The following METTL8 variants were observed in gnomAD, a reference collection of about 807,000 sequenced individuals.
The protein encoded by METTL8 is methyltransferase 8, tRNA N3-cytidine.
A neutral mutation model predicts 48.7 loss-of-function variants in METTL8; 32 were observed. The observed-to-expected ratio is 0.66, with a 90% CI of 0.50 to 0.88. The LOEUF (loss-of-function observed/expected upper bound fraction) is 0.88. METTL8 is among the 40% of genes least tolerant of loss of function. The pLI, the probability that METTL8 is intolerant of heterozygous loss-of-function variation, is 0.00. For synonymous variants in METTL8, 136 were observed against 157.1 expected (o/e 0.87, Z 1.01); for missense variants, 464 against 474.4 (o/e 0.98, Z 0.20).
chr2:171,385,508 T>G (rs1296060757), intron 2 of METTL8, among the ~76,000 whole-genome samples: 3 of 152,130 alleles, frequency 2.0e-5, no homozygotes, highest in African/African-American at 7.2e-5. Context: ...GAAAAAAATG[T>G]AAAAAAGGTG....
rs41268697 is a variant in METTL8, at chr2:171,339,362, C to G, written c.428G>C (p.Arg143Thr). Residue 143 changes from arginine to threonine, a missense_variant, in exon 4 of 10, where the codon AGA (arginine) becomes ACA (threonine). Transcript: ENST00000375258. ...ATCAGGCACAGTAGGACAGTGCATTCTTGAGAAACGATTTGTAGCACTAGT... is the reference window on the plus strand; with the variant it reads ...ATCAGGCACAGTAGGACAGTGCATTGTTGAGAAACGATTTGTAGCACTAGT... ...VKTSATNRFSRMHCPTVPDEK... is the reference protein window; with the variant it reads ...VKTSATNRFSTMHCPTVPDEK... The G allele has an allele frequency of 3.4e-3, 5,553 of 1,613,308 alleles. 15 individuals are homozygous for G. Among genetic ancestry groups the G allele is most frequent in the Non-Finnish European group, 3.8e-3 (4,540 of 1,179,562 alleles).
intron 6 of METTL8, among the ~76,000 whole-genome samples, chr2:171,331,194 T>C (rs1685489968): frequency 6.6e-6 from 1 of 152,184 alleles, no homozygotes; most frequent in Non-Finnish European, 1.5e-5. Context: ...CACTGCAACC[T>C]CCGCCTCCTG....
chr2:171,322,844 G>A lies in METTL8; in HGVS notation c.*1328C>T, dbSNP rs1684599381. 1 of 152,050 alleles carries A rather than the reference G, an allele frequency of 6.6e-6. No homozygotes were observed. Among genetic ancestry groups the A allele is most frequent in the South Asian group, 2.1e-4 (1 of 4,836 alleles). The allele number at this position is 152,050 out of a possible 1,614,324, so 9.4% of individuals were successfully genotyped here. On this transcript the variant is annotated 3_prime_UTR_variant, in exon 10 of 10. Transcript: ENST00000375258. ...TTGCCCATTTTTAAGGTTATTTCTTGATTATATGCTACACAAGGGGTGGAT... is the reference window on the plus strand; with the variant it reads ...TTGCCCATTTTTAAGGTTATTTCTTAATTATATGCTACACAAGGGGTGGAT...
chr2:171,364,314 A>G (rs1197944024), intron 2 of METTL8, among the ~76,000 whole-genome samples: 1 of 152,170 alleles, frequency 6.6e-6, no homozygotes, highest in Non-Finnish European at 1.5e-5. Context: ...TATGTTTAAG[A>G]CATACAACAA....
intron 1 of METTL8, among the ~76,000 whole-genome samples, chr2:171,411,960 A>T (rs998735012): frequency 2.6e-5 from 4 of 152,252 alleles, no homozygotes; most frequent in Non-Finnish European, 4.4e-5. Context: ...AAATGTGCTA[A>T]TGCTATGAAT....
At chr2:171,400,566 C>T (rs1689542492) in intron 1 of METTL8, among the ~76,000 whole-genome samples, 2 of 152,162 alleles carry the variant, frequency 1.3e-5, no homozygotes, top group Admixed American at 6.6e-5. Flanking sequence ...TCTTATTTGG[C>T]TTGTCATATT....
intron 3 of METTL8, among the ~76,000 whole-genome samples, chr2:171,353,496 G>A (rs921566022): frequency 6.6e-6 from 1 of 152,228 alleles, no homozygotes; most frequent in African/African-American, 2.4e-5. Context: ...ACTTGCTGCA[G>A]AGCTGAGTTC....
At chr2:171,388,517 A>C (rs543761392) in intron 2 of METTL8, among the ~76,000 whole-genome samples, 1 of 152,306 alleles carries the variant, frequency 6.6e-6, no homozygotes, top group Admixed American at 6.5e-5. Flanking sequence ...TCAGTGCTTT[A>C]TGATTTTCTA....
chr2:171,434,028 G>A, upstream of METTL8: 1 of 277,340 alleles, frequency 3.6e-6, no homozygotes, highest in South Asian at 3.2e-5. Flanking sequence ...AGTGCAGGGC[G>A]CACACACGGG....
At chr2:171,357,305 A>T (rs1430549867) in intron 3 of METTL8, among the ~76,000 whole-genome samples, 1 of 152,184 alleles carries the variant, frequency 6.6e-6, no homozygotes, top group Non-Finnish European at 1.5e-5. Context: ...TCCACCAAAA[A>T]ACTGTTAGAA....
intron 3 of METTL8, among the ~76,000 whole-genome samples, chr2:171,348,836 C>CA (rs2105442078): frequency 6.6e-6 from 1 of 152,170 alleles, no homozygotes; most frequent in Non-Finnish European, 1.5e-5. Context: ...AAAGAACCAA[C>CA]ATGTTCTAAG....
At chr2:171,337,561 T>C in intron 4 of METTL8, 59 bp from the exon 5 acceptor site, 1 of 1,292,754 alleles carries the variant, frequency 7.7e-7, no homozygotes, top group Non-Finnish European at 1.1e-6. Context: ...TTGTCACCAA[T>C]GTCAGATCTC....
intron 6 of METTL8, among the ~76,000 whole-genome samples, chr2:171,331,526 C>T (rs952499666): frequency 3.3e-5 from 5 of 151,964 alleles, no homozygotes; most frequent in African/African-American, 7.3e-5. Flanking sequence ...AAGCGATTCT[C>T]GTGCCTCAGC....
chr2:171,399,627 C>T (rs770870477), intron 1 of METTL8, among the ~76,000 whole-genome samples: 3 of 152,138 alleles, frequency 2.0e-5, no homozygotes, highest in Non-Finnish European at 2.9e-5. Flanking sequence ...AAAATGGGAT[C>T]CTTTTCACAA....
intron 9 of METTL8, 131 bp from the exon 10 acceptor site, chr2:171,324,493 G>T: frequency 1.2e-6 from 1 of 843,222 alleles, no homozygotes; most frequent in Non-Finnish European, 1.8e-6. Flanking sequence ...AGAACAATTT[G>T]GTGAAGGAAA....
chr2:171,379,522 T>TA (rs148170124), intron 2 of METTL8, among the ~76,000 whole-genome samples: 17,182 of 151,528 alleles, frequency 0.11, 1,252 homozygotes, highest in Middle Eastern at 0.2. Flanking sequence ...CTAACTAGAC[T>TA]AATAAGAAAA....
At chr2:171,433,024 A>G (rs1426624078) in intron 1 of METTL8, 1 of 152,254 alleles carries the variant, frequency 6.6e-6, no homozygotes, top group Non-Finnish European at 1.5e-5. Context: ...ATAGTTATTT[A>G]CCTAATTATT....
intron 1 of METTL8, among the ~76,000 whole-genome samples, chr2:171,406,787 C>G (rs1406193005): frequency 6.6e-6 from 1 of 152,032 alleles, no homozygotes; most frequent in East Asian, 1.9e-4. Context: ...TAGGATGAAG[C>G]CAACTATGAG....
rs778396161 is a variant in METTL8, at chr2:171,337,452, C to T, written c.656+1G>A. The T allele has an allele frequency of 1.6e-5, 26 of 1,598,024 alleles. No individual in the cohort carries two copies. The East Asian group carries it at 2.9e-4, about 18-fold the overall frequency. On this transcript the variant is annotated splice_donor_variant, in intron 5 of 9. Coordinates refer to ENST00000375258, the MANE Select transcript of METTL8 (RefSeq NM_001321154.2). LOFTEE classifies it high-confidence loss of function. ...GTAGAAAGAAAACTCTTAAAACTCACTCCAAAGTGTTCAAAATTGGAAACA... is the reference window on the plus strand; with the variant it reads ...GTAGAAAGAAAACTCTTAAAACTCATTCCAAAGTGTTCAAAATTGGAAACA...
Sources: gnomAD v4.1 joint callset for allele counts (sites outside exome capture counted in the v4.1 genomes callset) on GRCh38, gnomAD v4.1.1 for gene constraint, MANE v1.5 for transcripts, NCBI Gene and HGNC (gene_info 2026-07-23, HGNC 2026-07-21) for gene names.